LIMS1: variants seen among roughly 807,000 people sequenced by gnomAD.
LIMS1 encodes LIM zinc finger domain containing 1, also known as LIM and senescent cell antigen-like-containing domain protein 1.
In LIMS1, 18 loss-of-function variants were observed where a neutral mutation model predicts 44.1. The observed-to-expected ratio is 0.41, with a 90% CI of 0.28 to 0.61. The LOEUF (loss-of-function observed/expected upper bound fraction) is 0.61, where lower values mean the gene tolerates loss of function less well. LIMS1 is among the 20% of genes least tolerant of loss of function. The probability of loss-of-function intolerance (pLI) is 0.32; values close to 1 mark genes in which losing one functional copy is unlikely to be tolerated. For synonymous variants in LIMS1, 93 were observed against 149.1 expected, an observed-to-expected ratio of 0.62 and a Z score of 2.74; for missense variants, 201 against 422.0, an observed-to-expected ratio of 0.48 and a Z score of 4.59.
chr2:108,569,325 A>C (rs10179040), intron 1 of LIMS1, among the ~76,000 whole-genome samples: 55,095 of 152,012 alleles, frequency 0.36, 11,855 homozygotes, highest in East Asian at 0.88. Context: ...TGATGCACAA[A>C]AGTTTTAAAG....
intron 1 of LIMS1, among the ~76,000 whole-genome samples, chr2:108,586,377 G>A (rs1369834572): frequency 6.6e-6 from 1 of 152,214 alleles, no homozygotes; most frequent in East Asian, 1.9e-4. Context: ...CTGGATGTGA[G>A]TTTATGGACT....
At chr2:108,628,849 A>G (rs551202225) in intron 1 of LIMS1, among the ~76,000 whole-genome samples, 4 of 152,320 alleles carry the variant, frequency 2.6e-5, no homozygotes, top group African/African-American at 4.8e-5. Flanking sequence ...GTCTTGCTCT[A>G]TCACCCAGGC....
intron 9 of LIMS1, 140 bp from the exon 10 acceptor site, chr2:108,683,738 AGGATTAT>A (rs2149028763): frequency 4.7e-6 from 2 of 423,250 alleles, no homozygotes; most frequent in East Asian, 7.8e-5. Context: ...AATTGAGGTT[AGGATTAT>A]GGTTTTTTTA....
At chr2:108,561,423 T>C (rs1002855389) in intron 1 of LIMS1, among the ~76,000 whole-genome samples, 1 of 152,166 alleles carries the variant, frequency 6.6e-6, no homozygotes, top group Admixed American at 6.5e-5. Flanking sequence ...ATCAAGGTCA[T>C]GTGGTAAATT....
At chr2:108,647,402 A>C (rs1185183667) in intron 1 of LIMS1, among the ~76,000 whole-genome samples, 1 of 152,234 alleles carries the variant, frequency 6.6e-6, no homozygotes, top group African/African-American at 2.4e-5. Flanking sequence ...AGGAGCTGGT[A>C]CCATTCCTTC....
At chr2:108,535,656 C>CTT (rs913995198) in intron 1 of LIMS1, among the ~76,000 whole-genome samples, 1 of 152,166 alleles carries the variant, frequency 6.6e-6, no homozygotes, top group Non-Finnish European at 1.5e-5. Context: ...TTAGGAAAGT[C>CTT]TTTATGTTAA....
chr2:108,553,513 A>G (rs1161576352), intron 1 of LIMS1, among the ~76,000 whole-genome samples: 2 of 152,152 alleles, frequency 1.3e-5, no homozygotes, highest in Non-Finnish European at 2.9e-5. Context: ...CTAGAGTTAG[A>G]AGAGACTTTA....
chr2:108,643,412 C>A (rs1003236258), intron 1 of LIMS1, among the ~76,000 whole-genome samples: 6 of 152,288 alleles, frequency 3.9e-5, no homozygotes, highest in African/African-American at 1.2e-4. Flanking sequence ...AACTCCCTCT[C>A]CTAGCCAAGG....
At chr2:108,641,924 C>G (rs901203323) in intron 1 of LIMS1, among the ~76,000 whole-genome samples, 3 of 152,150 alleles carry the variant, frequency 2.0e-5, no homozygotes, top group Admixed American at 6.6e-5. Flanking sequence ...ACTTGCATGT[C>G]ATGATTGTTT....
intron 1 of LIMS1, among the ~76,000 whole-genome samples, chr2:108,583,941 G>GC (rs1356153620): frequency 6.6e-6 from 1 of 151,958 alleles, no homozygotes; most frequent in Non-Finnish European, 1.5e-5. Context: ...TGATCTGACC[G>GC]CCTCGGCCTC....
At chr2:108,676,004 T>C (rs113387660) in exon 6 of LIMS1, 17 of 1,613,922 alleles carry the variant, frequency 1.1e-5, no homozygotes, top group African/African-American at 6.7e-5. Flanking sequence ...TGGTGAACGC[T>C]ATGGGCAAGC....
chr2:108,578,201 G>A (rs941841133), intron 1 of LIMS1, among the ~76,000 whole-genome samples: 3 of 152,066 alleles, frequency 2.0e-5, no homozygotes, highest in African/African-American at 7.2e-5. Flanking sequence ...GAGCCACCGC[G>A]CCCAGCCTGT....
chr2:108,670,812 T>A, exon 3 of LIMS1: 1 of 1,611,500 alleles, frequency 6.2e-7, no homozygotes. Flanking sequence ...GAACATGACT[T>A]TCAGATGCTC....
intron 1 of LIMS1, among the ~76,000 whole-genome samples, chr2:108,576,354 C>T (rs1469488559): frequency 1.3e-5 from 2 of 152,034 alleles, no homozygotes; most frequent in Non-Finnish European, 2.9e-5. Flanking sequence ...CCTCCTGCCT[C>T]AGCCTTCTGA....
chr2:108,568,416 T>A (rs1685368931), intron 1 of LIMS1, among the ~76,000 whole-genome samples: 2 of 152,204 alleles, frequency 1.3e-5, no homozygotes, highest in Non-Finnish European at 2.9e-5. Context: ...CACATTTTAT[T>A]TATCTATTAA....
At chr2:108,609,671 A>G (rs1687480005) in intron 1 of LIMS1, among the ~76,000 whole-genome samples, 2 of 152,112 alleles carry the variant, frequency 1.3e-5, no homozygotes. Flanking sequence ...CTCAGATATG[A>G]TACTTCAGAT....
chr2:108,567,037 T>G (rs1395559247), intron 1 of LIMS1, among the ~76,000 whole-genome samples: 1 of 152,186 alleles, frequency 6.6e-6, no homozygotes, highest in Non-Finnish European at 1.5e-5. Flanking sequence ...TATCCCCAGC[T>G]CCTGGCAACC....
At chr2:108,595,952 T>A (rs891645504) in intron 1 of LIMS1, among the ~76,000 whole-genome samples, 1 of 151,962 alleles carries the variant, frequency 6.6e-6, no homozygotes, top group Non-Finnish European at 1.5e-5. Flanking sequence ...GAACCTGAGG[T>A]TATCTGTGGA....
chr2:108,569,831 C>T (rs1685426772), intron 1 of LIMS1, among the ~76,000 whole-genome samples: 1 of 137,196 alleles, frequency 7.3e-6, no homozygotes, highest in South Asian at 2.4e-4. Flanking sequence ...GAACTCCTGG[C>T]CTCAGGTGAT....
Sources: gnomAD v4.1 joint callset for allele counts (sites outside exome capture counted in the v4.1 genomes callset) on GRCh38, gnomAD v4.1.1 for gene constraint, MANE v1.5 for transcripts, NCBI Gene and HGNC (gene_info 2026-07-23, HGNC 2026-07-21) for gene names.